Variants in RANBP17 observed in about 807,000 individuals in gnomAD.
RANBP17 encodes the protein RAN binding protein 17.
In RANBP17, 158 loss-of-function variants were observed where a neutral mutation model predicts 141.2. The ratio of observed to expected loss-of-function variants is 1.12; its 90% CI spans 0.98 to 1.28. RANBP17 has a LOEUF of 1.28. Ranked by LOEUF, RANBP17 falls within the 50% of genes most tolerant of loss-of-function variation. The probability of loss-of-function intolerance (pLI) is 0.00; values close to 1 mark genes in which losing one functional copy is unlikely to be tolerated. For synonymous variants in RANBP17, 430 were observed against 450.0 expected (o/e 0.96, Z 0.56); for missense variants, 1,438 against 1,290.7 (o/e 1.11, Z -1.75).
intron 14 of RANBP17, among the ~76,000 whole-genome samples, chr5:171,142,821 A>C (rs898309155): frequency 3.9e-5 from 6 of 152,306 alleles, no homozygotes; most frequent in African/African-American, 1.4e-4. Context: ...AGGAAATGAA[A>C]CCTCAGAATA....
intron 22 of RANBP17, among the ~76,000 whole-genome samples, chr5:171,225,733 G>A (rs1282936466): frequency 2.0e-5 from 3 of 152,210 alleles, no homozygotes; most frequent in African/African-American, 7.2e-5. Flanking sequence ...GGTGCAGAGA[G>A]GGAAGGAAGC....
At chr5:170,875,587 G>A (rs1343187415) in intron 1 of RANBP17, among the ~76,000 whole-genome samples, 2 of 152,110 alleles carry the variant, frequency 1.3e-5, no homozygotes, top group Non-Finnish European at 2.9e-5. Flanking sequence ...TTCTTCTGCT[G>A]GATTGATTTG....
intron 12 of RANBP17, among the ~76,000 whole-genome samples, chr5:170,952,872 A>T (rs898475364): frequency 1.3e-5 from 2 of 152,192 alleles, no homozygotes; most frequent in Non-Finnish European, 2.9e-5. Flanking sequence ...TACCTTAAGC[A>T]AAAATCATTG....
At chr5:171,010,696 A>T (rs1779974059) in intron 14 of RANBP17, among the ~76,000 whole-genome samples, 1 of 152,090 alleles carries the variant, frequency 6.6e-6, no homozygotes, top group Non-Finnish European at 1.5e-5. Context: ...CCCACAAAAA[A>T]CCAGTATCAG....
chr5:171,011,632 C>CT (rs1780043119), intron 14 of RANBP17, among the ~76,000 whole-genome samples: 1 of 151,750 alleles, frequency 6.6e-6, no homozygotes, highest in African/African-American at 2.4e-5. Flanking sequence ...GATATATAAC[C>CT]TTTTTTTGGT....
intron 14 of RANBP17, among the ~76,000 whole-genome samples, chr5:171,009,433 G>T (rs559349050): frequency 1.4e-4 from 22 of 152,032 alleles, no homozygotes; most frequent in Non-Finnish European, 2.5e-4. Flanking sequence ...GAATTGGATT[G>T]GTATAAATGG....
chr5:171,156,327 G>A lies in RANBP17; in HGVS notation c.1711-13803G>A, dbSNP rs184347605. 4.6e-5 allele frequency among the ~76,000 whole-genome samples: 7 copies of A among 152,110 alleles called. No individual in the cohort carries two copies. The East Asian group carries it at 1.2e-3, about 25-fold the overall frequency. The stretch of plus-strand genomic sequence containing the variant: ...TAGGAACATAAATTAGAAGAAAAAG[G>A]TACTTTCTTAGTTCTCAGTAATTGA... On this transcript the variant is annotated intron_variant, in intron 14 of 27. Coordinates refer to ENST00000523189, the MANE Select transcript of RANBP17 (RefSeq NM_022897.5).
chr5:171,133,325 T>A (rs1421698997), intron 14 of RANBP17, among the ~76,000 whole-genome samples: 1 of 152,224 alleles, frequency 6.6e-6, no homozygotes, highest in African/African-American at 2.4e-5. Flanking sequence ...TTCAGAACTC[T>A]GATGTGACTA....
intron 14 of RANBP17, among the ~76,000 whole-genome samples, chr5:171,030,370 G>T (rs1030809027): frequency 6.6e-6 from 1 of 152,030 alleles, no homozygotes; most frequent in African/African-American, 2.4e-5. Context: ...GGACAACTAA[G>T]TTAGTATGGA....
chr5:171,215,067 C>T (rs1416120176), intron 21 of RANBP17, among the ~76,000 whole-genome samples: 3 of 151,814 alleles, frequency 2.0e-5, no homozygotes, highest in African/African-American at 7.3e-5. Flanking sequence ...CCCCCATCCC[C>T]CAACAGGCCC....
intron 14 of RANBP17, among the ~76,000 whole-genome samples, chr5:171,106,094 G>A (rs559819088): frequency 6.6e-6 from 1 of 152,260 alleles, no homozygotes; most frequent in South Asian, 2.1e-4. Context: ...CATAAATTGG[G>A]TGACCATGGT....
intron 14 of RANBP17, among the ~76,000 whole-genome samples, chr5:171,058,112 A>G (rs895358406): frequency 1.3e-5 from 2 of 152,102 alleles, no homozygotes; most frequent in African/African-American, 4.8e-5. Context: ...CATCAAAAAT[A>G]TATGGCATTA....
rs758010616 is a variant in RANBP17 at position 170,924,371 on chromosome 5, AT to A, written c.1290del (p.Pro431HisfsTer51). 6.3e-7 allele frequency: 1 copy of A among 1,588,682 alleles called. No individual in the cohort carries two copies. The highest frequency in any genetic ancestry group is 1.1e-5 in the South Asian group (1 of 89,122). ...TGTGTTTGCAGAGATCACTTAGATG[AT>A]CCACTGGATGATACTGCCACTGTGT... ...VAIVVRDHLD[D>X]PLDDTATVFQ... On this transcript the variant is annotated frameshift_variant, in exon 12 of 28. Transcript: ENST00000523189. LOFTEE classifies it high-confidence loss of function.
intron 14 of RANBP17, among the ~76,000 whole-genome samples, chr5:171,034,525 A>C (rs1178521919): frequency 1.3e-5 from 2 of 152,180 alleles, no homozygotes; most frequent in Non-Finnish European, 2.9e-5. Context: ...TATATTCTTC[A>C]ATGAAGAAAA....
chr5:171,035,843 C>T (rs1781848051), intron 14 of RANBP17, among the ~76,000 whole-genome samples: 1 of 147,508 alleles, frequency 6.8e-6, no homozygotes, highest in African/African-American at 2.5e-5. Context: ...GTTTGGGATA[C>T]ACTACAACCC....
chr5:171,112,472 A>G (rs879345842), intron 14 of RANBP17, among the ~76,000 whole-genome samples: 1 of 151,928 alleles, frequency 6.6e-6, no homozygotes, highest in Non-Finnish European at 1.5e-5. Context: ...CCATGGAAAC[A>G]AAGGATATTA....
chr5:170,924,458 T>G lies in RANBP17; in HGVS notation c.1376T>G (p.Leu459Arg). The G allele has an allele frequency of 1.2e-6, 2 of 1,613,580 alleles. No homozygotes were observed. Among genetic ancestry groups the G allele is most frequent in the Non-Finnish European group, 1.7e-6 (2 of 1,179,594 alleles). Residue 459 changes from leucine (L) to arginine (R), a missense_variant, in exon 12 of 28, where the codon CTT becomes CGT. Leu to Arg is a moderately radical substitution (Grantham distance 102, BLOSUM62 -2). Coordinates refer to ENST00000523189, the MANE Select transcript of RANBP17 (RefSeq NM_022897.5). ...TGTGAATATGAAAAGACATGTGCTC[T>G]TCTTGTGCAGTTATTCGACCAAAAT... ...SRCEYEKTCALLVQLFDQNAQ... is the reference protein window; with the variant it reads ...SRCEYEKTCARLVQLFDQNAQ...
At chr5:171,281,349 G>A (rs1209180834) in intron 25 of RANBP17, among the ~76,000 whole-genome samples, 1 of 152,198 alleles carries the variant, frequency 6.6e-6, no homozygotes, top group East Asian at 1.9e-4. Context: ...AGAGCTCAGT[G>A]TGCATGCCCA....
intron 25 of RANBP17, among the ~76,000 whole-genome samples, chr5:171,269,341 G>C (rs558784981): frequency 5.9e-5 from 9 of 152,300 alleles, no homozygotes; most frequent in African/African-American, 1.9e-4. Flanking sequence ...GGAACAGAGT[G>C]CTGAGTGAAA....
Sources: gnomAD v4.1 joint callset for allele counts (sites outside exome capture counted in the v4.1 genomes callset) on GRCh38, gnomAD v4.1.1 for gene constraint, MANE v1.5 for transcripts, NCBI Gene and HGNC (gene_info 2026-07-23, HGNC 2026-07-21) for gene names.